STAG1: variants seen among roughly 807,000 people sequenced by gnomAD.
STAG1 encodes cohesin subunit SA-1.
STAG1 carries 26 observed loss-of-function variants against 170.9 expected under a neutral mutation model. That is an observed-to-expected ratio of 0.15 (90% confidence interval 0.11 to 0.21). The LOEUF (loss-of-function observed/expected upper bound fraction) is 0.21, where lower values mean the gene tolerates loss of function less well. Among genes scored for constraint, STAG1 ranks in the 10% least tolerant of loss-of-function variants. The probability of loss-of-function intolerance (pLI) is 1.00; values close to 1 mark genes in which losing one functional copy is unlikely to be tolerated. For synonymous variants in STAG1, 514 were observed against 497.7 expected, an observed-to-expected ratio of 1.03 and a Z score of -0.44; for missense variants, 964 against 1,509.5, an observed-to-expected ratio of 0.64 and a Z score of 5.99.
Position 136,473,626 on chromosome 3 carries a change from G to A in STAG1, c.1038C>T (p.Val346=). ...GCAGAGCTTTCAAACACTTCAGCCT[G>A]ACTTCCCCTTGCTTCAGAAATACAA... ...GWTLHDRQGE[V]RLKCLKALQS... The change falls in exon 11 of 34, where the codon GTC becomes GTT. Residue 346 remains valine, a synonymous_variant. Transcript: ENST00000383202. The A allele has an allele frequency of 6.2e-7, 1 of 1,610,830 alleles. No individual in the cohort carries two copies. Among genetic ancestry groups the A allele is most frequent in the Non-Finnish European group, 8.5e-7 (1 of 1,178,538 alleles).
rs192618296 is a variant in STAG1 at position 136,338,147 on chromosome 3, A to G, written c.*107T>C. On this transcript the variant is annotated 3_prime_UTR_variant, in exon 34 of 34. Coordinates refer to ENST00000383202, the MANE Select transcript of STAG1 (RefSeq NM_005862.3). ...TTGACCTTAATCATTTGATTAAAAA[A>G]CAAATCAGATCACATCAAAAGTGTT... is the stretch of plus-strand genomic sequence containing the variant. 8.0e-4 allele frequency: 599 copies of G among 751,016 alleles called. 3 individuals are homozygous for G. In the African/African-American group the frequency reaches 9.6e-3, roughly 12 times the overall value. 46.5% of individuals were successfully genotyped at this position (751,016 alleles called of 1,614,324 possible). A position where few individuals can be genotyped will look rare whatever the true frequency, so the allele number is the denominator to read the frequency against.
Position 136,498,271 on chromosome 3 carries a change from CACCA to C in STAG1, c.902+1948_902+1951del, listed in dbSNP as rs777610493. Reference sequence around the variant, plus strand: ...ACATACACACACACACACACACACACACCACACACACATACACACACACACACAC... The same window carrying C: ...ACATACACACACACACACACACACACCACACACATACACACACACACACAC... On this transcript the variant is annotated intron_variant, in intron 9 of 33. Transcript: ENST00000383202. Among the ~76,000 whole-genome samples, 374 of 88,518 alleles carry C rather than the reference CACCA, an allele frequency of 4.2e-3. 6 individuals carry two copies. Among genetic ancestry groups the C allele is most frequent in the Middle Eastern group, 0.011 (2 of 176 alleles). The allele number at this position is 88,518 out of a possible 152,430, so 58.1% of individuals were successfully genotyped here.
chr3:136,523,093 A>G (rs1299350417), intron 6 of STAG1, among the ~76,000 whole-genome samples: 1 of 152,142 alleles, frequency 6.6e-6, no homozygotes, highest in Non-Finnish European at 1.5e-5. Context: ...CAGTAAGGGG[A>G]TGGCTGGCTC....
intron 3 of STAG1, among the ~76,000 whole-genome samples, chr3:136,612,897 C>T (rs1295609589): frequency 6.6e-6 from 1 of 152,152 alleles, no homozygotes; most frequent in Non-Finnish European, 1.5e-5. Flanking sequence ...TATGTATATA[C>T]CTAGAGGTAT....
chr3:136,377,820 G>GT, intron 22 of STAG1, 68 bp from the exon 23 acceptor site: 2 of 1,349,278 alleles, frequency 1.5e-6, no homozygotes, highest in Middle Eastern at 1.8e-4. Context: ...AGAAGAAACA[G>GT]TAAGTGGAAA....
At chr3:136,499,987 G>A (rs1933382580) in intron 9 of STAG1, 1 of 382,132 alleles carries the variant, frequency 2.6e-6, no homozygotes. Context: ...ATAAATCCAA[G>A]TACATAAGCT....
At chr3:136,476,451 G>T (rs967127226) in intron 10 of STAG1, among the ~76,000 whole-genome samples, 1 of 152,194 alleles carries the variant, frequency 6.6e-6, no homozygotes, top group Non-Finnish European at 1.5e-5. Context: ...CTTGCTCAAT[G>T]AATATGGTAT....
chr3:136,478,813 T>C (rs116636344), intron 9 of STAG1, among the ~76,000 whole-genome samples: 21 of 152,268 alleles, frequency 1.4e-4, no homozygotes, highest in African/African-American at 3.6e-4. Flanking sequence ...CTGTACAACA[T>C]AGTGGCTAAA....
At chr3:136,402,212 T>A (rs1005488371) in intron 21 of STAG1, among the ~76,000 whole-genome samples, 4 of 152,014 alleles carry the variant, frequency 2.6e-5, no homozygotes, top group African/African-American at 7.2e-5. Context: ...TTTATTTTTT[T>A]AATTTAATTT....
Position 136,610,415 on chromosome 3 carries a change from A to G in STAG1, c.133-5942T>C, listed in dbSNP as rs1031786764. Among the ~76,000 whole-genome samples, 7 of 152,242 alleles carry G rather than the reference A, an allele frequency of 4.6e-5. No homozygotes were observed. In the East Asian group the frequency reaches 1.4e-3, roughly 29 times the overall value. On this transcript the variant is annotated intron_variant, in intron 3 of 33. Transcript: ENST00000383202. Reference sequence around the variant, plus strand: ...GGCTCTCCCTGTCAGAATTGTGTGCACTCTAACATCTTTGGTTGTGGTATT... The same window carrying G: ...GGCTCTCCCTGTCAGAATTGTGTGCGCTCTAACATCTTTGGTTGTGGTATT...
intron 1 of STAG1, among the ~76,000 whole-genome samples, chr3:136,696,701 G>A (rs1576777771): frequency 9.0e-6 from 1 of 110,854 alleles, no homozygotes; most frequent in Non-Finnish European, 2.4e-5. Context: ...TTAATAAAAG[G>A]AATGAAGTAT....
intron 1 of STAG1, among the ~76,000 whole-genome samples, chr3:136,741,995 C>T (rs543251728): frequency 2.0e-5 from 3 of 151,998 alleles, no homozygotes; most frequent in African/African-American, 7.2e-5. Flanking sequence ...TTTGTCAAAA[C>T]AACATAATAA....
intron 10 of STAG1, among the ~76,000 whole-genome samples, chr3:136,475,979 G>A (rs1032865759): frequency 6.6e-6 from 1 of 152,144 alleles, no homozygotes; most frequent in Admixed American, 6.5e-5. Flanking sequence ...TGAATCCCAG[G>A]CAAGTCTCTT....
At chr3:136,656,522 G>A (rs1941375236) in intron 1 of STAG1, among the ~76,000 whole-genome samples, 1 of 151,672 alleles carries the variant, frequency 6.6e-6, no homozygotes, top group Non-Finnish European at 1.5e-5. Context: ...ACAAAGCAAT[G>A]CCAATCCACT....
At chr3:136,403,539 T>G (rs1356073380) in intron 21 of STAG1, among the ~76,000 whole-genome samples, 2 of 152,046 alleles carry the variant, frequency 1.3e-5, no homozygotes, top group Non-Finnish European at 1.5e-5. Flanking sequence ...ACAATAATAA[T>G]GAGGTCTGAA....
At chr3:136,578,219 G>A (rs1017242865) in intron 4 of STAG1, among the ~76,000 whole-genome samples, 1 of 152,162 alleles carries the variant, frequency 6.6e-6, no homozygotes, top group African/African-American at 2.4e-5. Context: ...GGGATCCCAA[G>A]GTAACACAGC....
chr3:136,433,221 T>A (rs1405403452), intron 16 of STAG1, among the ~76,000 whole-genome samples: 1 of 152,084 alleles, frequency 6.6e-6, no homozygotes, highest in Non-Finnish European at 1.5e-5. Context: ...AAAGATTATA[T>A]AGCTGCTAAA....
At chr3:136,630,796 G>C (rs577493477) in intron 2 of STAG1, 74 bp downstream of exon 2, 2 of 1,020,370 alleles carry the variant, frequency 2.0e-6, no homozygotes, top group East Asian at 5.2e-5. Flanking sequence ...ATCGAAGAGA[G>C]CATTTTGATA....
At chr3:136,430,331 G>T (rs1170080826) in intron 16 of STAG1, 1 of 152,086 alleles carries the variant, frequency 6.6e-6, no homozygotes, top group African/African-American at 2.4e-5. Context: ...TTTTAAATAT[G>T]AATGATTACT....
Sources: gnomAD v4.1 joint callset for allele counts (sites outside exome capture counted in the v4.1 genomes callset) on GRCh38, gnomAD v4.1.1 for gene constraint, MANE v1.5 for transcripts, NCBI Gene and HGNC (gene_info 2026-07-23, HGNC 2026-07-21) for gene names.